SLC22A12: variants seen among roughly 807,000 people sequenced by gnomAD.
SLC22A12 encodes organic anion transporter 4-like protein.
SLC22A12 carries 56 observed loss-of-function variants against 52.7 expected under a neutral mutation model. That is an observed-to-expected ratio of 1.06 (90% CI 0.86 to 1.33). The LOEUF is 1.33. SLC22A12 is among the 40% of genes most tolerant of loss of function. The probability of loss-of-function intolerance (pLI) is 0.00; values close to 1 mark genes in which losing one functional copy is unlikely to be tolerated. For missense variants in SLC22A12, 683 were observed against 741.5 expected, an observed-to-expected ratio of 0.92 and a Z score of 0.92; for synonymous variants, 337 against 324.6, an observed-to-expected ratio of 1.04 and a Z score of -0.41.
intron 4 of SLC22A12, among the ~76,000 whole-genome samples, 172 bp downstream of exon 4, chr11:64,593,975 C>T (rs568212279): frequency 6.6e-6 from 1 of 152,314 alleles, no homozygotes; most frequent in East Asian, 1.9e-4. Context: ...ACCCAAGACA[C>T]CCACTTCAAC....
At chr11:64,594,074 C>T (rs570042271) in intron 4 of SLC22A12, among the ~76,000 whole-genome samples, 1 of 152,378 alleles carries the variant, frequency 6.6e-6, no homozygotes, top group African/African-American at 2.4e-5. Context: ...TCCTCCTCAT[C>T]TCTTGGCCTA....
intron 8 of SLC22A12, 127 bp from the exon 9 acceptor site, chr11:64,600,608 C>T (rs997279437): frequency 4.1e-6 from 6 of 1,450,248 alleles, no homozygotes; most frequent in Non-Finnish European, 5.7e-6. Flanking sequence ...CCCGGGGCTG[C>T]TCAGGTGCAT....
intron 9 of SLC22A12, among the ~76,000 whole-genome samples, chr11:64,601,186 C>A (rs2039443072): frequency 6.6e-6 from 1 of 152,172 alleles, no homozygotes; most frequent in Non-Finnish European, 1.5e-5. Context: ...CACAAATGGA[C>A]AAGCTCCCCC....
chr11:64,595,005 GGATGGATGGATGGATGGTTGGAATA>G, intron 4 of SLC22A12, among the ~76,000 whole-genome samples: 1 of 141,136 alleles, frequency 7.1e-6, no homozygotes, highest in Non-Finnish European at 1.5e-5. Flanking sequence ...ATGGATGGAT[GGATGGATGGATGGATGGTTGGAATA>G]GATGGATGGA....
At chr11:64,595,315 A>T (rs1337840353) in intron 4 of SLC22A12, among the ~76,000 whole-genome samples, 3 of 105,520 alleles carry the variant, frequency 2.8e-5, no homozygotes, top group South Asian at 3.7e-4. Flanking sequence ...GGATGGATGG[A>T]TGGATGGATG....
At chr11:64,596,249 T>TGGATGGATGGATG (rs1348662449) in intron 4 of SLC22A12, among the ~76,000 whole-genome samples, 66 of 82,844 alleles carry the variant, frequency 8.0e-4, no homozygotes, top group East Asian at 2.9e-3. Context: ...ATGGATGGAA[T>TGGATGGATGGATG]GGATGGATGG....
At position 64,599,736 on chromosome 11, in the gene SLC22A12, C is replaced by G; in HGVS notation, c.1131C>G (p.Asn377Lys). 1 of 1,612,334 alleles carries G rather than the reference C, an allele frequency of 6.2e-7. No homozygotes were observed. Among genetic ancestry groups the G allele is most frequent in the East Asian group, 2.2e-5 (1 of 44,796 alleles). Residue 377 changes from asparagine to lysine, a missense_variant, in exon 7 of 10, where the codon AAC (asparagine) becomes AAG (lysine). Coordinates refer to ENST00000377574, the MANE Select transcript of SLC22A12 (RefSeq NM_144585.4). Reference protein sequence around the residue: ...LALDLQALGSNIFLLQMFIGV... With the variant: ...LALDLQALGSKIFLLQMFIGV... Reference sequence around the variant, plus strand: ...TGGACCTGCAGGCCCTGGGCAGCAACATCTTCCTGCTCCAAATGTTCATTG... The same window carrying G: ...TGGACCTGCAGGCCCTGGGCAGCAAGATCTTCCTGCTCCAAATGTTCATTG...
Position 64,598,001 on chromosome 11 carries a change from G to C in SLC22A12, c.831-515G>C, listed in dbSNP as rs2039307951. ...ACCCTGGTCCCAGCCTGAGCCCCGG[G>C]GTGGCTGTGAAGCTGTTTGCAGGAG... On this transcript the variant is annotated intron_variant, in intron 4 of 9. Transcript: ENST00000377574. Among the ~76,000 whole-genome samples the C allele has an allele frequency of 2.6e-5, 4 of 152,258 alleles. No individual in the cohort carries two copies. In the South Asian group the frequency reaches 8.3e-4, roughly 32 times the overall value.
Position 64,600,415 on chromosome 11 carries a change from T to C in SLC22A12, c.1334T>C (p.Val445Ala), listed in dbSNP as rs1226063966. 6.2e-7 allele frequency: 1 copy of C among 1,607,156 alleles called. No homozygotes were observed. Among genetic ancestry groups the C allele is most frequent in the Non-Finnish European group, 8.5e-7 (1 of 1,179,090 alleles). Reference protein sequence around the residue: ...SALAVLGLGGVGAAFTCITIY... With the variant: ...SALAVLGLGGAGAAFTCITIY... ...TTGGCCGTGCTGGGGCTGGGCGGGG[T>C]GGGGGCTGCCTTCACCTGCATCACC... Residue 445 changes from valine to alanine, a missense_variant, in exon 8 of 10, where the codon GTG (valine) becomes GCG (alanine). Coordinates refer to ENST00000377574, the MANE Select transcript of SLC22A12 (RefSeq NM_144585.4).
At chr11:64,597,818 A>G (rs1211259357) in intron 4 of SLC22A12, among the ~76,000 whole-genome samples, 1 of 152,092 alleles carries the variant, frequency 6.6e-6, no homozygotes, top group African/African-American at 2.4e-5. Flanking sequence ...CACTGAGGGT[A>G]GTGGGAGACA....
chr11:64,594,478 ATAGATAGATAGG>A (rs1465936864), intron 4 of SLC22A12, among the ~76,000 whole-genome samples: 8 of 104,364 alleles, frequency 7.7e-5, no homozygotes, highest in African/African-American at 3.0e-4. Flanking sequence ...GTAAGTAGAA[ATAGATAGATAGG>A]TAGGTAGGTA....
intron 1 of SLC22A12, 103 bp from the exon 2 acceptor site, chr11:64,592,676 A>T: frequency 1.1e-6 from 1 of 923,402 alleles, no homozygotes; most frequent in Non-Finnish European, 1.8e-6. Flanking sequence ...TCACCAGACC[A>T]CCCACCGCAC....
In SLC22A12 at chr11:64,592,107, C is replaced by T. The variant is rs1431174444; in HGVS notation, c.402+149C>T. 1.3e-5 allele frequency: 17 copies of T among 1,331,426 alleles called. No individual in the cohort carries two copies. The Admixed American group carries it at 3.5e-4, about 28-fold the overall frequency. 82.5% of individuals were successfully genotyped at this position (1,331,426 alleles called of 1,614,324 possible). On this transcript the variant is annotated intron_variant, in intron 1 of 9. Coordinates refer to ENST00000377574, the MANE Select transcript of SLC22A12 (RefSeq NM_144585.4). Reference sequence around the variant, plus strand: ...GAGCCTCTCAGCCCCTCGTCAGCCACACACAGGGAAGTGGGCGGCAGGGAT... The same window carrying T: ...GAGCCTCTCAGCCCCTCGTCAGCCATACACAGGGAAGTGGGCGGCAGGGAT...
chr11:64,592,003 T>A (rs774779951), intron 1 of SLC22A12, 45 bp downstream of exon 1: 1 of 1,598,188 alleles, frequency 6.3e-7, no homozygotes, highest in Admixed American at 1.7e-5. Flanking sequence ...ACCTTGGAGG[T>A]CAGTCATGGA....
In SLC22A12 at chr11:64,593,652, G is replaced by A. The variant is rs201136391; in HGVS notation, c.679G>A (p.Ala227Thr). The change falls in exon 4 of 10, where the codon GCA becomes ACA. Residue 227 changes from alanine to threonine, a missense_variant. Coordinates refer to ENST00000377574, the MANE Select transcript of SLC22A12 (RefSeq NM_144585.4). ...CCTTGCAGTGATGGAGTGGACGGCG[G>A]CACGGGCCCGACCCTTGGTGATGAC... is the stretch of plus-strand genomic sequence containing the variant. ...TGTLLMEWTAARARPLVMTLN... is the reference protein window; with the variant it reads ...TGTLLMEWTATRARPLVMTLN... The A allele has an allele frequency of 4.8e-5, 78 of 1,614,152 alleles. No homozygotes were observed. The East Asian group carries it at 1.5e-3, about 32-fold the overall frequency.
intron 9 of SLC22A12, 35 bp downstream of exon 9, chr11:64,600,973 C>T (rs1174428006): frequency 1.2e-6 from 2 of 1,601,508 alleles, no homozygotes; most frequent in Non-Finnish European, 1.7e-6. Flanking sequence ...ACCCCTCCCT[C>T]CCACCAGAGA....
At chr11:64,595,321 G>A (rs2039116636) in intron 4 of SLC22A12, among the ~76,000 whole-genome samples, 1 of 131,088 alleles carries the variant, frequency 7.6e-6, no homozygotes. Context: ...ATGGATGGAT[G>A]GATGGATGGA....
chr11:64,596,445 G>A (rs540027528), intron 4 of SLC22A12, among the ~76,000 whole-genome samples: 1 of 152,300 alleles, frequency 6.6e-6, no homozygotes, highest in African/African-American at 2.4e-5. Context: ...TGAACTGGAT[G>A]GATGAATGGA....
At chr11:64,595,376 T>G (rs146312310) in intron 4 of SLC22A12, among the ~76,000 whole-genome samples, 1 of 48,582 alleles carries the variant, frequency 2.1e-5, no homozygotes, top group African/African-American at 4.3e-5. Context: ...GATGGATGGA[T>G]GGATGGATGG....
Sources: allele counts gnomAD v4.1 joint callset (sites outside exome capture counted in the v4.1 genomes callset), GRCh38; gene constraint gnomAD v4.1.1; transcripts MANE v1.5; gene names NCBI Gene and HGNC (gene_info 2026-07-23, HGNC 2026-07-21).